BTBD9: variants seen among roughly 807,000 people sequenced by gnomAD.
BTBD9 encodes BTB/POZ domain-containing protein 9.
In BTBD9, 49 loss-of-function variants were observed where a neutral mutation model predicts 64.3. The observed-to-expected ratio is 0.76, with a 90% confidence interval of 0.61 to 0.97. The LOEUF (loss-of-function observed/expected upper bound fraction) is 0.97. Ranked by LOEUF, BTBD9 falls within the 50% of genes least tolerant of loss-of-function variation. The probability of loss-of-function intolerance (pLI) is 0.00; values close to 1 mark genes in which losing one functional copy is unlikely to be tolerated. For missense variants in BTBD9, 598 were observed against 762.1 expected, an observed-to-expected ratio of 0.78 and a Z score of 2.53; for synonymous variants, 260 against 274.7, an observed-to-expected ratio of 0.95 and a Z score of 0.53.
At chr6:38,585,015 T>C (rs1452069035) in intron 4 of BTBD9, among the ~76,000 whole-genome samples, 2 of 151,758 alleles carry the variant, frequency 1.3e-5, no homozygotes, top group African/African-American at 2.4e-5. Context: ...GCAAGTTACA[T>C]AGATCACAGA....
chr6:38,303,915 GTA>G lies in BTBD9; in HGVS notation c.1265-15456_1265-15455del, dbSNP rs145671357. Among the ~76,000 whole-genome samples the G allele has an allele frequency of 6.8e-3, 881 of 128,932 alleles. 8 individuals are homozygous for G. The highest frequency in any genetic ancestry group is 0.017 in the Middle Eastern group (4 of 232). 84.6% of individuals were successfully genotyped at this position (128,932 alleles called of 152,430 possible). On this transcript the variant is annotated intron_variant, in intron 7 of 10. Coordinates refer to ENST00000481247, the MANE Select transcript of BTBD9 (RefSeq NM_001099272.2). ...TGTATATATATACGTGTATATATGT[GTA>G]TATATATATATACACGTGTGTGTGT...
intron 6 of BTBD9, among the ~76,000 whole-genome samples, chr6:38,392,777 A>G (rs566316171): frequency 6.6e-6 from 1 of 152,200 alleles, no homozygotes; most frequent in Non-Finnish European, 1.5e-5. Context: ...ACACCAAAAA[A>G]TATAGAGTTA....
intron 7 of BTBD9, among the ~76,000 whole-genome samples, chr6:38,343,320 A>C (rs904913866): frequency 5.3e-5 from 8 of 152,190 alleles, no homozygotes; most frequent in Admixed American, 2.6e-4. Flanking sequence ...AGATAGGCTT[A>C]TTTCTTTCAT....
intron 9 of BTBD9, among the ~76,000 whole-genome samples, chr6:38,227,787 G>A (rs1401455490): frequency 2.6e-5 from 4 of 152,230 alleles, no homozygotes; most frequent in Non-Finnish European, 5.9e-5. Flanking sequence ...CTTGTGCTCT[G>A]ATTAGCAGCC....
intron 7 of BTBD9, among the ~76,000 whole-genome samples, chr6:38,305,101 T>C (rs1336735817): frequency 6.6e-6 from 1 of 151,850 alleles, no homozygotes; most frequent in African/African-American, 2.4e-5. Flanking sequence ...CTATGTAAGG[T>C]TGTGGCGCTT....
chr6:38,559,589 C>T (rs1191314407), intron 6 of BTBD9, among the ~76,000 whole-genome samples: 4 of 152,030 alleles, frequency 2.6e-5, no homozygotes, highest in Non-Finnish European at 4.4e-5. Flanking sequence ...CTAAAATTCA[C>T]ATGGAACCAA....
At chr6:38,243,433 T>C (rs572970386) in intron 9 of BTBD9, among the ~76,000 whole-genome samples, 7 of 149,636 alleles carry the variant, frequency 4.7e-5, no homozygotes, top group African/African-American at 1.7e-4. Flanking sequence ...TAGACTCTAG[T>C]ACAGCAACAG....
At chr6:38,589,982 G>C (rs925889062) in intron 4 of BTBD9, among the ~76,000 whole-genome samples, 1 of 152,116 alleles carries the variant, frequency 6.6e-6, no homozygotes, top group Non-Finnish European at 1.5e-5. Context: ...AGCAGCTCAG[G>C]TTTCAACTCT....
chr6:38,573,897 G>A (rs1775904047), intron 6 of BTBD9, among the ~76,000 whole-genome samples: 1 of 152,142 alleles, frequency 6.6e-6, no homozygotes, highest in African/African-American at 2.4e-5. Context: ...AAAGGACTGG[G>A]AGAGAGTTTA....
chr6:38,501,025 C>T (rs184584550), intron 6 of BTBD9, among the ~76,000 whole-genome samples: 2 of 152,238 alleles, frequency 1.3e-5, no homozygotes, highest in East Asian at 1.9e-4. Flanking sequence ...ATAGATATTG[C>T]TGTGATGAAT....
intron 7 of BTBD9, among the ~76,000 whole-genome samples, chr6:38,333,100 G>A (rs1002394161): frequency 3.4e-4 from 52 of 152,284 alleles, no homozygotes; most frequent in African/African-American, 1.2e-3. Flanking sequence ...TAGAAAGAAG[G>A]CAAAGGCATT....
chr6:38,280,419 C>A (rs9470850), intron 8 of BTBD9, among the ~76,000 whole-genome samples: 81,113 of 152,020 alleles, frequency 0.53, 23,891 homozygotes, highest in African/African-American at 0.8. Flanking sequence ...TCCTTGGTTC[C>A]GGGCTGTGAC....
At chr6:38,298,470 C>T (rs971674423) in intron 7 of BTBD9, among the ~76,000 whole-genome samples, 1 of 152,106 alleles carries the variant, frequency 6.6e-6, no homozygotes, top group Non-Finnish European at 1.5e-5. Context: ...GAGTATCCCT[C>T]GCCTCAAGTA....
At chr6:38,411,028 A>T (rs1335448409) in intron 6 of BTBD9, among the ~76,000 whole-genome samples, 2 of 151,698 alleles carry the variant, frequency 1.3e-5, no homozygotes, top group Non-Finnish European at 2.9e-5. Flanking sequence ...ATCCTTACCA[A>T]CTCTCCATAC....
chr6:38,261,182 T>C (rs1378446921), intron 8 of BTBD9, among the ~76,000 whole-genome samples: 1 of 152,042 alleles, frequency 6.6e-6, no homozygotes, highest in Non-Finnish European at 1.5e-5. Context: ...CACCTCAGCT[T>C]CTCAAAGTGT....
intron 10 of BTBD9, among the ~76,000 whole-genome samples, chr6:38,181,630 A>C (rs1761558183): frequency 6.6e-6 from 1 of 152,210 alleles, no homozygotes; most frequent in Non-Finnish European, 1.5e-5. Flanking sequence ...GAGTGCCTCC[A>C]ACAAAATATC....
chr6:38,194,097 C>T (rs1762192874), intron 9 of BTBD9, among the ~76,000 whole-genome samples: 1 of 128,048 alleles, frequency 7.8e-6, no homozygotes, highest in Non-Finnish European at 1.7e-5. Context: ...GCTGTCCTCC[C>T]AGACCCCCAG....
Position 38,379,120 on chromosome 6 carries a change from A to G in BTBD9, c.1155-34027T>C, listed in dbSNP as rs546645597. On this transcript the variant is annotated intron_variant, in intron 6 of 10. Coordinates refer to ENST00000481247, the MANE Select transcript of BTBD9 (RefSeq NM_001099272.2). Reference sequence around the variant, plus strand: ...CTGCTGATCCCCGGTAGCAGTTTGGATTTTAACAGGCCACATGTAGGCTTG... The same window carrying G: ...CTGCTGATCCCCGGTAGCAGTTTGGGTTTTAACAGGCCACATGTAGGCTTG... Among the ~76,000 whole-genome samples, 11 of 152,226 alleles carry G rather than the reference A, an allele frequency of 7.2e-5. No individual in the cohort carries two copies. In the East Asian group the frequency reaches 1.7e-3, roughly 24 times the overall value.
rs765694836 is a variant in BTBD9, at chr6:38,592,771, A to G, written c.619T>C (p.Leu207=). ...APEKDIFLAL[L]NWCKHNSKEN... is the part of the protein sequence containing the mutation. Reference sequence around the variant, plus strand: ...TTTGAATTGTGCTTACACCAGTTTAATAAGGCTAGGAAAATATCTTTTTCG... The same window carrying G: ...TTTGAATTGTGCTTACACCAGTTTAGTAAGGCTAGGAAAATATCTTTTTCG... The change falls in exon 4 of 11, where the codon TTA becomes CTA. Residue 207 remains leucine (L), a synonymous_variant. Coordinates refer to ENST00000481247, the MANE Select transcript of BTBD9 (RefSeq NM_001099272.2). 6.2e-7 allele frequency: 1 copy of G among 1,614,202 alleles called. No individual in the cohort carries two copies. The highest frequency in any genetic ancestry group is 1.1e-5 in the South Asian group (1 of 91,078).
Sources: gnomAD v4.1 joint callset for allele counts (sites outside exome capture counted in the v4.1 genomes callset) on GRCh38, gnomAD v4.1.1 for gene constraint, MANE v1.5 for transcripts, NCBI Gene and HGNC (gene_info 2026-07-23, HGNC 2026-07-21) for gene names.